RBMS3: variants seen among roughly 807,000 people sequenced by gnomAD.
RBMS3 encodes RNA-binding motif, single-stranded-interacting protein 3.
A neutral mutation model predicts 66.8 loss-of-function variants in RBMS3; 27 were observed. That is an observed-to-expected ratio of 0.40 (90% confidence interval 0.30 to 0.56). RBMS3 has a LOEUF of 0.56. Among genes scored for constraint, RBMS3 ranks in the 20% least tolerant of loss-of-function variants. The pLI, the probability that RBMS3 is intolerant of heterozygous loss-of-function variation, is 0.40. For synonymous variants in RBMS3, 188 were observed against 183.0 expected (o/e 1.03, Z -0.22); for missense variants, 513 against 549.5 (o/e 0.93, Z 0.66).
intron 1 of RBMS3, among the ~76,000 whole-genome samples, chr3:29,378,814 A>G (rs1412525313): frequency 1.3e-5 from 2 of 151,870 alleles, no homozygotes; most frequent in African/African-American, 2.4e-5. Context: ...ATCATTCCTA[A>G]TCATTAAGTG....
At chr3:29,930,685 A>G (rs1410183931) in intron 10 of RBMS3, among the ~76,000 whole-genome samples, 1 of 152,020 alleles carries the variant, frequency 6.6e-6, no homozygotes, top group Non-Finnish European at 1.5e-5. Flanking sequence ...CTCCTGGTTG[A>G]GAACAAATGA....
intron 1 of RBMS3, among the ~76,000 whole-genome samples, chr3:29,303,667 G>C (rs1411815894): frequency 1.3e-5 from 2 of 151,978 alleles, no homozygotes. Context: ...CATCAAATAA[G>C]TTAAATGGAT....
chr3:29,838,396 T>C (rs1368586417), intron 6 of RBMS3, among the ~76,000 whole-genome samples: 1 of 152,054 alleles, frequency 6.6e-6, no homozygotes, highest in Non-Finnish European at 1.5e-5. Flanking sequence ...ATATTCATTA[T>C]TCATTCATAA....
intron 1 of RBMS3, among the ~76,000 whole-genome samples, chr3:29,369,390 C>T (rs948926685): frequency 6.6e-6 from 1 of 151,484 alleles, no homozygotes; most frequent in Non-Finnish European, 1.5e-5. Flanking sequence ...CTTTCAATGG[C>T]AAAAACCGCA....
chr3:29,494,258 A>G (rs1458409067), intron 3 of RBMS3, among the ~76,000 whole-genome samples: 3 of 152,226 alleles, frequency 2.0e-5, no homozygotes, highest in African/African-American at 7.2e-5. Flanking sequence ...AAAAGCTTTT[A>G]TGCTCTCCTG....
At chr3:29,598,856 A>G (rs566636184) in intron 4 of RBMS3, among the ~76,000 whole-genome samples, 2 of 152,162 alleles carry the variant, frequency 1.3e-5, no homozygotes, top group East Asian at 3.9e-4. Context: ...AAAAGGAACA[A>G]AAACCTACAA....
At chr3:29,602,195 C>A (rs1181071935) in intron 4 of RBMS3, among the ~76,000 whole-genome samples, 2 of 151,952 alleles carry the variant, frequency 1.3e-5, no homozygotes, top group Non-Finnish European at 2.9e-5. Context: ...TACACATTTT[C>A]CTTCACTTGA....
chr3:29,751,898 T>C (rs2055200290), intron 5 of RBMS3, among the ~76,000 whole-genome samples: 1 of 152,184 alleles, frequency 6.6e-6, no homozygotes, highest in South Asian at 2.1e-4. Flanking sequence ...TACAGGCCCA[T>C]GGCAGCGCCT....
At chr3:29,424,756 G>T (rs2040878131) in intron 1 of RBMS3, among the ~76,000 whole-genome samples, 1 of 152,098 alleles carries the variant, frequency 6.6e-6, no homozygotes, top group Non-Finnish European at 1.5e-5. Flanking sequence ...TGGGAACAAA[G>T]TGTGTTATTT....
At chr3:29,882,313 A>T (rs1311451214) in intron 7 of RBMS3, among the ~76,000 whole-genome samples, 2 of 152,126 alleles carry the variant, frequency 1.3e-5, no homozygotes, top group Admixed American at 1.3e-4. Context: ...TGCCTCTCCC[A>T]TGGCAAAAAA....
At chr3:29,866,476 T>G (rs2059366599) in intron 6 of RBMS3, among the ~76,000 whole-genome samples, 3 of 152,216 alleles carry the variant, frequency 2.0e-5, no homozygotes, top group Non-Finnish European at 2.9e-5. Context: ...ATTTACCTTT[T>G]GTGAGAAATT....
At chr3:29,483,214 CAGG>C (rs984288995) in intron 2 of RBMS3, among the ~76,000 whole-genome samples, 5 of 147,834 alleles carry the variant, frequency 3.4e-5, no homozygotes, top group African/African-American at 1.0e-4. Flanking sequence ...GAGGCTGAGG[CAGG>C]AGAATGGCGT....
chr3:29,398,205 T>G (rs1297545789), intron 1 of RBMS3, among the ~76,000 whole-genome samples: 8 of 152,156 alleles, frequency 5.3e-5, no homozygotes, highest in Non-Finnish European at 1.2e-4. Context: ...ACTTGAGAGG[T>G]GTGAAATACT....
At chr3:29,620,803 A>C (rs1430498474) in intron 4 of RBMS3, among the ~76,000 whole-genome samples, 1 of 152,126 alleles carries the variant, frequency 6.6e-6, no homozygotes, top group African/African-American at 2.4e-5. Context: ...TTTTTTCAGC[A>C]ATCTAAATTT....
chr3:29,779,725 A>ATATATATATATATATATAT (rs1301512844), intron 6 of RBMS3, among the ~76,000 whole-genome samples: 23 of 144,854 alleles, frequency 1.6e-4, no homozygotes, highest in Non-Finnish European at 2.3e-4. Flanking sequence ...ATATATATAT[A>ATATATATATATATATATAT]AACAACCCCA....
intron 3 of RBMS3, among the ~76,000 whole-genome samples, chr3:29,523,884 G>A (rs1263411811): frequency 2.6e-5 from 4 of 151,868 alleles, no homozygotes; most frequent in African/African-American, 9.7e-5. Flanking sequence ...ACAGAAATTT[G>A]CCACAAATCC....
chr3:29,916,307 A>G (rs976676595), intron 10 of RBMS3, among the ~76,000 whole-genome samples: 2 of 151,936 alleles, frequency 1.3e-5, no homozygotes, highest in East Asian at 1.9e-4. Flanking sequence ...AAATTACCTC[A>G]TATTATTGCT....
chr3:29,803,282 C>T (rs775578525), intron 6 of RBMS3, among the ~76,000 whole-genome samples: 6 of 151,986 alleles, frequency 3.9e-5, no homozygotes, highest in African/African-American at 1.2e-4. Context: ...GATAATAACC[C>T]GCGGCTATGC....
chr3:29,564,136 C>T (rs2149053934), intron 3 of RBMS3, among the ~76,000 whole-genome samples: 2 of 152,124 alleles, frequency 1.3e-5, no homozygotes, highest in South Asian at 4.2e-4. Context: ...ACATGAAACC[C>T]ACCTGCATAA....
Sources: allele counts gnomAD v4.1 joint callset (sites outside exome capture counted in the v4.1 genomes callset), GRCh38; gene constraint gnomAD v4.1.1; transcripts MANE v1.5; gene names NCBI Gene and HGNC (gene_info 2026-07-23, HGNC 2026-07-21).